The following IL17REL variants were observed in gnomAD, a reference collection of about 807,000 sequenced individuals.
IL17REL encodes the protein interleukin 17 receptor E like.
IL17REL carries 36 observed loss-of-function variants against 49.0 expected under a neutral mutation model. The ratio of observed to expected loss-of-function variants is 0.73; its 90% CI spans 0.56 to 0.97. IL17REL has a LOEUF of 0.97. Ranked by LOEUF, IL17REL falls within the 50% of genes least tolerant of loss-of-function variation. The probability of loss-of-function intolerance (pLI) is 0.00; values close to 1 mark genes in which losing one functional copy is unlikely to be tolerated. For synonymous variants in IL17REL, 206 were observed against 192.4 expected (o/e 1.07, Z -0.58); for missense variants, 470 against 453.9 (o/e 1.04, Z -0.32).
In IL17REL at chr22:49,999,287, T is replaced by C; in HGVS notation, c.601+4A>G. 2 of 1,612,886 alleles carry C rather than the reference T, an allele frequency of 1.2e-6. No homozygotes were observed. Among genetic ancestry groups the C allele is most frequent in the Non-Finnish European group, 1.7e-6 (2 of 1,180,006 alleles). On this transcript the variant is annotated splice_donor_region_variant and intron_variant, in intron 7 of 12. Coordinates refer to ENST00000341280, the Ensembl canonical transcript of IL17REL. Reference sequence around the variant, plus strand: ...TCCGCCCGTTGGCATCGCAGGACACTTGCCGTTTTCAAAGGGGCAGATCTG... The same window carrying C: ...TCCGCCCGTTGGCATCGCAGGACACCTGCCGTTTTCAAAGGGGCAGATCTG...
At chr22:49,997,371 C>T in exon 11 of IL17REL, 1 of 1,613,880 alleles carries the variant, frequency 6.2e-7, no homozygotes, top group Non-Finnish European at 8.5e-7. Flanking sequence ...AGGCAGGGAG[C>T]TGTGACTTCC....
intron 1 of IL17REL, among the ~76,000 whole-genome samples, chr22:50,002,498 T>TC (rs981452989): frequency 2.0e-5 from 2 of 102,220 alleles, no homozygotes; most frequent in Admixed American, 9.5e-5. Flanking sequence ...TTCTTTTCTT[T>TC]TTTTTTTTTT....
At chr22:49,997,143 C>T (rs1032659752) in intron 11 of IL17REL, 69 bp from the exon 14 acceptor site, 234 of 1,466,012 alleles carry the variant, frequency 1.6e-4, no homozygotes, top group Non-Finnish European at 2.0e-4. Context: ...TGTCCTTCTC[C>T]CACATCCTCT....
At chr22:50,010,498 T>C (rs2061133528), upstream of IL17REL, among the ~76,000 whole-genome samples, 1 of 152,164 alleles carries the variant, frequency 6.6e-6, no homozygotes, top group Admixed American at 6.5e-5. Flanking sequence ...TCCCCGGGCC[T>C]CCCTCCCGCC....
chr22:50,004,861 A>AG (rs1286444609), intron 1 of IL17REL, among the ~76,000 whole-genome samples: 1 of 151,374 alleles, frequency 6.6e-6, no homozygotes, highest in African/African-American at 2.4e-5. Flanking sequence ...CAAAAAAAAA[A>AG]AGACAACCTC....
At chr22:50,011,478 C>A (rs574882822), upstream of IL17REL, among the ~76,000 whole-genome samples, 2 of 152,188 alleles carry the variant, frequency 1.3e-5, no homozygotes, top group African/African-American at 2.4e-5. Flanking sequence ...CGCCTCCCCC[C>A]ATGTCTCCCA....
At chr22:49,995,360 G>T in exon 13 of IL17REL, 1 of 152,476 alleles carries the variant, frequency 6.6e-6, no homozygotes, top group Non-Finnish European at 1.5e-5. Context: ...AGGGGACTCA[G>T]GACAGGGCTG....
Position 50,007,635 on chromosome 22 carries a change from T to A in IL17REL, c.-42+1002A>T, listed in dbSNP as rs565213115. On this transcript the variant is annotated intron_variant, in intron 1 of 12. Transcript: ENST00000341280. The stretch of plus-strand genomic sequence containing the variant: ...GTCAGGTGATCCACCTGCCTCGGCC[T>A]CCCAAAGTGCTGGGATTACAGGTGT... Among the ~76,000 whole-genome samples the A allele has an allele frequency of 1.2e-3, 179 of 151,962 alleles. 1 individual carries two copies. Among genetic ancestry groups the A allele is most frequent in the African/African-American group, 4.1e-3 (169 of 41,496 alleles).
chr22:50,001,977 G>C (rs2061082524), intron 1 of IL17REL, among the ~76,000 whole-genome samples: 2 of 152,226 alleles, frequency 1.3e-5, no homozygotes, highest in South Asian at 2.1e-4. Flanking sequence ...AGCCCACACT[G>C]AACACAGCAC....
intron 4 of IL17REL, among the ~76,000 whole-genome samples, 25 bp downstream of exon 6, chr22:50,000,171 A>T (rs1383202148): frequency 1.3e-5 from 2 of 152,180 alleles, no homozygotes; most frequent in South Asian, 2.1e-4. Context: ...GGGTCTTCGC[A>T]GGGGCGTCGA....
chr22:49,999,542 G>A (rs748419483), intron 5 of IL17REL, 40 bp from the exon 8 acceptor site: 4 of 1,523,826 alleles, frequency 2.6e-6, no homozygotes, highest in East Asian at 2.4e-5. Context: ...CGCGCGGGAG[G>A]GCGGGGGTGG....
chr22:49,998,474 G>A (rs918442591), intron 7 of IL17REL, among the ~76,000 whole-genome samples, 165 bp from the exon 10 acceptor site: 3 of 152,192 alleles, frequency 2.0e-5, no homozygotes, highest in African/African-American at 7.2e-5. Context: ...ATGGGTGCAT[G>A]TGCATGTGTG....
intron 1 of IL17REL, among the ~76,000 whole-genome samples, chr22:50,006,877 C>A (rs1386381636): frequency 6.6e-6 from 1 of 151,224 alleles, no homozygotes; most frequent in East Asian, 2.0e-4. Flanking sequence ...ATTGCTTGAG[C>A]CCAGGAGGCA....
upstream of IL17REL, among the ~76,000 whole-genome samples, chr22:50,011,011 C>G (rs1026578758): frequency 1.8e-4 from 28 of 151,814 alleles, no homozygotes; most frequent in African/African-American, 5.5e-4. Context: ...GGGTCCCCCC[C>G]CAGGGCGCGG....
downstream of IL17REL, among the ~76,000 whole-genome samples, chr22:49,992,138 T>C (rs2061009675): frequency 6.6e-6 from 1 of 152,238 alleles, no homozygotes; most frequent in African/African-American, 2.4e-5. Context: ...GAGTTCTGTC[T>C]ATCCTTTGTC....
At chr22:50,008,173 A>T (rs939489673) in intron 1 of IL17REL, among the ~76,000 whole-genome samples, 3 of 152,212 alleles carry the variant, frequency 2.0e-5, no homozygotes, top group African/African-American at 7.2e-5. Context: ...TTATTTCTAC[A>T]TGGAGGCTTT....
rs998679748 is a variant in IL17REL at position 49,999,852 on chromosome 22, G to T, written c.450C>A (p.Cys150Ter). ...CTCGCACAGGGGCGCCGGCGTCCTC[G>T]CAGGTGAACCGCTTGAGGCAGAGCC... is the stretch of plus-strand genomic sequence containing the variant. Residue 150 changes from cysteine to a stop codon, truncating the protein, a stop_gained, in exon 5 of 13, where the codon TGC becomes TGA. Transcript: ENST00000341280. LOFTEE classifies it high-confidence loss of function. 3 of 1,523,976 alleles carry T rather than the reference G, an allele frequency of 2.0e-6. No individual in the cohort carries two copies. The highest frequency in any genetic ancestry group is 1.4e-5 in the African/African-American group (1 of 70,442). The allele number at this position is 1,523,976 out of a possible 1,614,324, so 94.4% of individuals were successfully genotyped here. A position where few individuals can be genotyped will look rare whatever the true frequency, so the allele number is the denominator to read the frequency against.
At position 50,000,607 on chromosome 22, in the gene IL17REL, G is replaced by A. The variant is rs770751679; in HGVS notation, c.220-15C>T. The A allele has an allele frequency of 2.5e-6, 4 of 1,602,250 alleles. No individual in the cohort carries two copies. In the East Asian group the frequency reaches 8.9e-5, roughly 36 times the overall value. ...TGCACTTGGAGCTGAGCAGGTGCAGGTGTGAGCTGCGTGGACTCAGAGGCA... is the reference window on the plus strand; with the variant it reads ...TGCACTTGGAGCTGAGCAGGTGCAGATGTGAGCTGCGTGGACTCAGAGGCA... On this transcript the variant is annotated splice_polypyrimidine_tract_variant and intron_variant, in intron 3 of 12. Transcript: ENST00000341280.
At chr22:49,991,946 C>G (rs2061008548), downstream of IL17REL, among the ~76,000 whole-genome samples, 1 of 152,082 alleles carries the variant, frequency 6.6e-6, no homozygotes, top group Non-Finnish European at 1.5e-5. Flanking sequence ...AATGAGACAT[C>G]AGTCAATATA....
Sources: allele counts gnomAD v4.1 joint callset (sites outside exome capture counted in the v4.1 genomes callset), GRCh38; gene constraint gnomAD v4.1.1; transcripts MANE v1.5; gene names NCBI Gene and HGNC (gene_info 2026-07-23, HGNC 2026-07-21).